Variants in TIGD4 observed in about 807,000 individuals in gnomAD.
TIGD4 encodes tigger transposable element derived 4, also known as tigger transposable element-derived protein 4.
Under a neutral mutation model 24.9 loss-of-function variants are expected in TIGD4, and 20 were observed. The ratio of observed to expected loss-of-function variants is 0.80; its 90% CI spans 0.56 to 1.17. TIGD4 has a LOEUF of 1.17. Among genes scored for constraint, TIGD4 ranks in the 50% most tolerant of loss-of-function variants. The pLI, the probability that TIGD4 is intolerant of heterozygous loss-of-function variation, is 0.00. For missense variants in TIGD4, 566 were observed against 591.0 expected (o/e 0.96, Z 0.44); for synonymous variants, 193 against 211.0 (o/e 0.91, Z 0.74).
intron 1 of TIGD4, among the ~76,000 whole-genome samples, chr4:152,773,016 G>A (rs1452545730): frequency 2.6e-5 from 4 of 152,118 alleles, no homozygotes; most frequent in Non-Finnish European, 4.4e-5. Flanking sequence ...CACTGTGCCC[G>A]GCCTAAAGTA....
At position 152,769,684 on chromosome 4, in the gene TIGD4, T is replaced by C; in HGVS notation, c.1321A>G (p.Thr441Ala). Residue 441 changes from threonine to alanine, a missense_variant, in exon 2 of 2, where the codon ACC becomes GCC. Coordinates refer to ENST00000304337, the MANE Select transcript of TIGD4 (RefSeq NM_145720.4). ...EAAPNGDSICTKESKSDETGF... is the reference protein window; with the variant it reads ...EAAPNGDSICAKESKSDETGF... ...GTTTCATCCGATTTACTTTCTTTGGTGCATATGGAATCACCATTTGGTGCT... is the reference window on the plus strand; with the variant it reads ...GTTTCATCCGATTTACTTTCTTTGGCGCATATGGAATCACCATTTGGTGCT... The C allele has an allele frequency of 6.2e-7, 1 of 1,613,764 alleles. No homozygotes were observed. The highest frequency in any genetic ancestry group is 8.5e-7 in the Non-Finnish European group (1 of 1,179,828).
At chr4:152,775,868 C>T (rs190438306) in intron 1 of TIGD4, among the ~76,000 whole-genome samples, 215 of 152,274 alleles carry the variant, frequency 1.4e-3, no homozygotes, top group Middle Eastern at 0.014. Flanking sequence ...CCATCATGTT[C>T]ACAGGGAGAG....
In TIGD4 at chr4:152,770,713, C is replaced by A. The variant is rs750771036; in HGVS notation, c.292G>T (p.Ala98Ser). 1 of 1,613,666 alleles carries A rather than the reference C, an allele frequency of 6.2e-7. No individual in the cohort carries two copies. ...EEALMRWYRI[A>S]QCLNVPVNGP... The stretch of plus-strand genomic sequence containing the variant: ...TTAACTGGTACATTTAGACACTGAG[C>A]AATTCGATACCATCTCATTAATGCC... The change falls in exon 2 of 2, where the codon GCT becomes TCT. Residue 98 changes from alanine (A) to serine (S), a missense_variant. By Grantham distance (99) the Ala-to-Ser change is moderately conservative. Transcript: ENST00000304337.
In TIGD4 at chr4:152,770,626, T is replaced by C; in HGVS notation, c.379A>G (p.Lys127Glu). The C allele has an allele frequency of 6.2e-7, 1 of 1,603,674 alleles. No individual in the cohort carries two copies. The highest frequency in any genetic ancestry group is 8.5e-7 in the Non-Finnish European group (1 of 1,176,472). ...FAQKLGHNDF[K>E]CSNGWLDRFK... ...CGATCCAGCCAACCATTACTGCACTTAAAATCATTATGGCCCAGTTTCTGG... is the reference window on the plus strand; with the variant it reads ...CGATCCAGCCAACCATTACTGCACTCAAAATCATTATGGCCCAGTTTCTGG... Residue 127 changes from lysine to glutamate, a missense_variant, in exon 2 of 2, where the codon AAG (lysine) becomes GAG (glutamate). Transcript: ENST00000304337.
rs749677517 is a variant in TIGD4, at chr4:152,770,490, T to C, written c.515A>G (p.Asn172Ser). 1.4e-5 allele frequency: 22 copies of C among 1,611,072 alleles called. No homozygotes were observed. Among genetic ancestry groups the C allele is most frequent in the Non-Finnish European group, 1.9e-5 (22 of 1,178,756 alleles). ...WYQNVLPYYL[N>S]DYHPKNVFNI... ...AAAAACATTTTTAGGATGATAATCA[T>C]TTAAATAATAAGGAAGTACATTTTG... Residue 172 changes from asparagine to serine, a missense_variant, in exon 2 of 2, where the codon AAT becomes AGT. By Grantham distance (46) the Asn-to-Ser change is conservative. Transcript: ENST00000304337.
At chr4:152,777,776 A>G (rs1730283050) in intron 1 of TIGD4, among the ~76,000 whole-genome samples, 1 of 152,120 alleles carries the variant, frequency 6.6e-6, no homozygotes, top group Non-Finnish European at 1.5e-5. Flanking sequence ...AGTTAGTACC[A>G]AAAATATTCC....
Position 152,779,699 on chromosome 4 carries a change from C to G in TIGD4, c.-756G>C, listed in dbSNP as rs1349080160. On this transcript the variant is annotated 5_prime_UTR_variant, in exon 1 of 2. Transcript: ENST00000304337. The stretch of plus-strand genomic sequence containing the variant: ...AAGACCAGGCAGGGGCGCCCTTCCG[C>G]AAGCTCCCAGCTCTAGCCGGTGCCT... The G allele has an allele frequency of 6.6e-6, 1 of 152,342 alleles. No homozygotes were observed. The highest frequency in any genetic ancestry group is 6.5e-5 in the Admixed American group (1 of 15,292). 9.4% of individuals were successfully genotyped at this position (152,342 alleles called of 1,614,324 possible). A position where few individuals can be genotyped will look rare whatever the true frequency, so the allele number is the denominator to read the frequency against.
chr4:152,775,408 A>G (rs1166259566), intron 1 of TIGD4, among the ~76,000 whole-genome samples: 1 of 152,190 alleles, frequency 6.6e-6, no homozygotes, highest in Non-Finnish European at 1.5e-5. Flanking sequence ...TTAGGGTCTC[A>G]CAAGGTAGAA....
rs1241523181 is a variant in TIGD4, at chr4:152,771,407, T to C, written c.-403A>G. On this transcript the variant is annotated 5_prime_UTR_variant, in exon 2 of 2. Coordinates refer to ENST00000304337, the MANE Select transcript of TIGD4 (RefSeq NM_145720.4). Reference sequence around the variant, plus strand: ...TGCACACATTCAACCTCCTATTAATTCTCCATAGAAGGCCTCAGAGATAAG... The same window carrying C: ...TGCACACATTCAACCTCCTATTAATCCTCCATAGAAGGCCTCAGAGATAAG... 5.9e-6 allele frequency: 1 copy of C among 169,218 alleles called. No homozygotes were observed. Among genetic ancestry groups the C allele is most frequent in the Non-Finnish European group, 1.4e-5 (1 of 69,948 alleles). The allele number at this position is 169,218 out of a possible 1,614,324, so 10.5% of individuals were successfully genotyped here.
chr4:152,774,019 T>C (rs1409751216), intron 1 of TIGD4, among the ~76,000 whole-genome samples: 2 of 151,972 alleles, frequency 1.3e-5, no homozygotes, highest in African/African-American at 2.4e-5. Flanking sequence ...CCTTCCCTTT[T>C]TTCTTTCCTT....
rs765608030 is a variant in TIGD4 at position 152,770,694 on chromosome 4, G to A, written c.311C>T (p.Pro104Leu). ...TAGACGTAACATCGGACCATTAACT[G>A]GTACATTTAGACACTGAGCAATTCG... is the stretch of plus-strand genomic sequence containing the variant. ...WYRIAQCLNV[P>L]VNGPMLRLKA... is the part of the protein sequence containing the mutation. The change falls in exon 2 of 2, where the codon CCA becomes CTA. Residue 104 changes from proline to leucine, a missense_variant. Pro to Leu is a moderately conservative substitution (Grantham distance 98). Coordinates refer to ENST00000304337, the MANE Select transcript of TIGD4 (RefSeq NM_145720.4). 3 of 1,612,734 alleles carry A rather than the reference G, an allele frequency of 1.9e-6. No homozygotes were observed. The highest frequency in any genetic ancestry group is 2.5e-6 in the Non-Finnish European group (3 of 1,179,622).
At chr4:152,772,144 C>T (rs1180249306) in intron 1 of TIGD4, among the ~76,000 whole-genome samples, 1 of 151,850 alleles carries the variant, frequency 6.6e-6, no homozygotes, top group African/African-American at 2.4e-5. Flanking sequence ...TTTTTTAACC[C>T]TTATCCTGTT....
chr4:152,774,089 T>C (rs989417024), intron 1 of TIGD4, among the ~76,000 whole-genome samples: 1 of 148,670 alleles, frequency 6.7e-6, no homozygotes, highest in African/African-American at 2.5e-5. Flanking sequence ...CCTTCCTTCC[T>C]CTCTCCCTCC....
chr4:152,775,532 G>C (rs1204194567), intron 1 of TIGD4, among the ~76,000 whole-genome samples: 1 of 152,152 alleles, frequency 6.6e-6, no homozygotes, highest in African/African-American at 2.4e-5. Flanking sequence ...GTAGGACTAT[G>C]GTCCCTAGTT....
chr4:152,771,998 A>T (rs1376087873), intron 1 of TIGD4, among the ~76,000 whole-genome samples: 2 of 152,174 alleles, frequency 1.3e-5, no homozygotes, highest in Non-Finnish European at 2.9e-5. Context: ...CTTTTATAGG[A>T]GTCTGACAGA....
rs1730144456 is a variant in TIGD4 at position 152,770,342 on chromosome 4, GT to G, written c.662del (p.Asn221ThrfsTer25). 2.5e-6 allele frequency: 4 copies of G among 1,614,084 alleles called. No homozygotes were observed. Among genetic ancestry groups the G allele is most frequent in the Non-Finnish European group, 3.4e-6 (4 of 1,179,964 alleles). On this transcript the variant is annotated frameshift_variant, in exon 2 of 2. Coordinates refer to ENST00000304337, the MANE Select transcript of TIGD4 (RefSeq NM_145720.4). LOFTEE classifies it high-confidence loss of function. ...KDRITLVVGT[N>X]MDGSEKLPLL... ...AAGGAAGTTTCTCTGAGCCATCCAT[GT>G]TTGTGCCAACCACCAGAGTTATTCT...
chr4:152,776,253 CATAGAT>C (rs1730257980), intron 1 of TIGD4, among the ~76,000 whole-genome samples: 1 of 151,936 alleles, frequency 6.6e-6, no homozygotes, highest in South Asian at 2.1e-4. Flanking sequence ...TATATATCTA[CATAGAT>C]ATAAAGAAAA....
Position 152,770,011 on chromosome 4 carries a change from G to A in TIGD4, c.994C>T (p.His332Tyr). ...VIKSLKIKYR[H>Y]CLIKKFLSSV... The stretch of plus-strand genomic sequence containing the variant: ...CTTAAAAATTTCTTGATAAGACAGT[G>A]TCGATATTTGATTTTAAGGCTTTTA... The change falls in exon 2 of 2, where the codon CAC (histidine) becomes TAC (tyrosine). Residue 332 changes from histidine to tyrosine, a missense_variant. Transcript: ENST00000304337. The A allele has an allele frequency of 3.1e-6, 5 of 1,610,426 alleles. No individual in the cohort carries two copies. Among genetic ancestry groups the A allele is most frequent in the Non-Finnish European group, 4.2e-6 (5 of 1,177,522 alleles).
intron 1 of TIGD4, among the ~76,000 whole-genome samples, chr4:152,773,631 T>C (rs1730214838): frequency 7.2e-6 from 1 of 138,528 alleles, no homozygotes; most frequent in African/African-American, 2.8e-5. Context: ...AAGCCAGCAT[T>C]TCCAATGCCT....
Sources: gnomAD v4.1 joint callset for allele counts (sites outside exome capture counted in the v4.1 genomes callset) on GRCh38, gnomAD v4.1.1 for gene constraint, MANE v1.5 for transcripts, NCBI Gene and HGNC (gene_info 2026-07-23, HGNC 2026-07-21) for gene names.